The following TENM1 variants were observed in gnomAD, a reference collection of about 807,000 sequenced individuals.
TENM1 encodes teneurin transmembrane protein 1, also known as teneurin-1.
In TENM1, 35 loss-of-function variants were observed where a neutral mutation model predicts 174.8. That is an observed-to-expected ratio of 0.20 (90% CI 0.15 to 0.27). The LOEUF is 0.27. Among genes scored for constraint, TENM1 ranks in the 10% least tolerant of loss-of-function variants. TENM1 has a pLI of 1.00. For synonymous variants in TENM1, 781 were observed against 798.7 expected (o/e 0.98, Z 0.37); for missense variants, 1,633 against 2,130.1 (o/e 0.77, Z 4.59).
the TENM1 span, among the ~76,000 whole-genome samples, chrX:125,146,072 A>G: frequency 8.9e-6 from 1 of 112,079 alleles, no homozygotes; most frequent in Non-Finnish European, 1.9e-5. Context: ...CAACCTGTCT[A>G]CCCAAAGTAA....
chrX:125,113,509 C>A, the TENM1 span, among the ~76,000 whole-genome samples: 1 of 111,212 alleles, frequency 9.0e-6, no homozygotes, highest in Non-Finnish European at 1.9e-5. Context: ...GTGTTGTATT[C>A]AGAAGACTCA....
chrX:124,961,042 T>C (rs1450526364), intron 1 of TENM1, among the ~76,000 whole-genome samples: 2 of 112,244 alleles, frequency 1.8e-5, no homozygotes, highest in African/African-American at 6.5e-5. Context: ...ATTTAATGTA[T>C]ATTTGTTAGA....
chrX:124,840,687 A>C (rs940827361), intron 3 of TENM1, among the ~76,000 whole-genome samples: 3 of 111,926 alleles, frequency 2.7e-5, no homozygotes, highest in African/African-American at 9.7e-5. Flanking sequence ...TTATGTTCCA[A>C]AAAGCTGCTG....
At chrX:125,072,877 G>A in the TENM1 span, among the ~76,000 whole-genome samples, 2 of 110,773 alleles carry the variant, frequency 1.8e-5, no homozygotes, top group African/African-American at 6.5e-5. Flanking sequence ...GTTAAAGGAG[G>A]AAGTTTTGGT....
chrX:125,010,825 A>C, the TENM1 span, among the ~76,000 whole-genome samples: 1 of 110,312 alleles, frequency 9.1e-6, no homozygotes, highest in African/African-American at 3.3e-5. Context: ...AAAAAAAAAA[A>C]AAAACATTTT....
chrX:125,127,523 A>G, the TENM1 span, among the ~76,000 whole-genome samples: 1 of 111,776 alleles, frequency 8.9e-6, no homozygotes, highest in African/African-American at 3.2e-5. Flanking sequence ...ATAAAAAGAA[A>G]ATGAACTTTC....
At chrX:125,123,225 A>G in the TENM1 span, among the ~76,000 whole-genome samples, 1 of 111,133 alleles carries the variant, frequency 9.0e-6, no homozygotes, top group African/African-American at 3.3e-5. Context: ...ATGAAGCCAT[A>G]TCATTTTTCA....
the TENM1 span, chrX:125,203,935 C>T: frequency 8.9e-6 from 1 of 112,994 alleles, no homozygotes; most frequent in African/African-American, 3.2e-5. Flanking sequence ...CGGGAAACGA[C>T]TGTAAATCCA....
chrX:125,172,822 A>G, the TENM1 span, among the ~76,000 whole-genome samples: 2 of 111,763 alleles, frequency 1.8e-5, no homozygotes, highest in Non-Finnish European at 3.8e-5. Context: ...TGGTTAAAAA[A>G]AAATGGCACT....
chrX:124,713,245 C>T (rs777672540), intron 4 of TENM1, among the ~76,000 whole-genome samples: 3 of 110,948 alleles, frequency 2.7e-5, no homozygotes, highest in Non-Finnish European at 5.7e-5. Flanking sequence ...TAGTCTAGAT[C>T]GTTACTATCG....
chrX:124,723,273 A>C (rs751670461), intron 4 of TENM1, among the ~76,000 whole-genome samples: 46 of 112,150 alleles, frequency 4.1e-4, no homozygotes, highest in African/African-American at 1.4e-3. Context: ...TAAAATTTAT[A>C]ATTGATAGAG....
At chrX:124,407,827 G>A (rs1465647807) in intron 25 of TENM1, among the ~76,000 whole-genome samples, 1 of 112,984 alleles carries the variant, frequency 8.9e-6, no homozygotes, top group Non-Finnish European at 1.9e-5. Context: ...TCACAGATAT[G>A]CCTAGCCTTA....
chrX:124,890,538 G>C (rs140776614), intron 3 of TENM1, among the ~76,000 whole-genome samples: 1 of 111,998 alleles, frequency 8.9e-6, no homozygotes, highest in Non-Finnish European at 1.9e-5. Context: ...ACATTTCTCA[G>C]AAGAAGACAC....
At chrX:124,583,453 C>T (rs2049389579) in intron 11 of TENM1, among the ~76,000 whole-genome samples, 1 of 112,063 alleles carries the variant, frequency 8.9e-6, no homozygotes. Flanking sequence ...TAGCAAACTC[C>T]AACAGACATG....
At chrX:125,142,542 T>C in the TENM1 span, among the ~76,000 whole-genome samples, 1 of 109,678 alleles carries the variant, frequency 9.1e-6, no homozygotes, top group Non-Finnish European at 1.9e-5. Flanking sequence ...ATTGGGGTTC[T>C]ACAGAAAATT....
chrX:125,118,424 T>C, the TENM1 span, among the ~76,000 whole-genome samples: 279 of 112,005 alleles, frequency 2.5e-3, 1 homozygote, highest in African/African-American at 8.8e-3. Flanking sequence ...AAAAGTTAAG[T>C]TGATCTTCAT....
the TENM1 span, among the ~76,000 whole-genome samples, chrX:125,115,349 C>T: frequency 9.0e-6 from 1 of 111,719 alleles, no homozygotes; most frequent in African/African-American, 3.3e-5. Flanking sequence ...TACCCTCTCT[C>T]CTCACTCCTA....
At chrX:124,768,966 A>G (rs1298369955) in intron 3 of TENM1, among the ~76,000 whole-genome samples, 1 of 112,099 alleles carries the variant, frequency 8.9e-6, no homozygotes, top group African/African-American at 3.2e-5. Context: ...ATGATTTTGT[A>G]TTTTGAGATA....
At chrX:125,033,018 G>A in the TENM1 span, among the ~76,000 whole-genome samples, 3 of 111,683 alleles carry the variant, frequency 2.7e-5, no homozygotes, top group Non-Finnish European at 3.8e-5. Context: ...ATTTGGAAAG[G>A]TGTGGAGGTA....
Sources: allele counts gnomAD v4.1 joint callset (sites outside exome capture counted in the v4.1 genomes callset), GRCh38; gene constraint gnomAD v4.1.1; transcripts MANE v1.5; gene names NCBI Gene and HGNC (gene_info 2026-07-23, HGNC 2026-07-21).